PCDHA10: variants seen among roughly 807,000 people sequenced by gnomAD.
The protein encoded by PCDHA10 is protocadherin alpha 10.
Under a neutral mutation model 61.2 loss-of-function variants are expected in PCDHA10, and 45 were observed. The observed-to-expected ratio is 0.74, with a 90% CI of 0.58 to 0.94. The LOEUF is 0.94. Ranked by LOEUF, PCDHA10 falls within the 40% of genes least tolerant of loss-of-function variation. The pLI, the probability that PCDHA10 is intolerant of heterozygous loss-of-function variation, is 0.00. For missense variants in PCDHA10, 1,278 were observed against 1,236.2 expected (o/e 1.03, Z -0.51); for synonymous variants, 602 against 548.8 (o/e 1.10, Z -1.35).
intron 1 of PCDHA10, among the ~76,000 whole-genome samples, chr5:140,890,854 T>G (rs1320462436): frequency 6.6e-6 from 1 of 152,232 alleles, no homozygotes; most frequent in Non-Finnish European, 1.5e-5. Context: ...TTTCTCTTCC[T>G]TACTTCTTGC....
At chr5:141,001,953 G>C (rs55743067) in intron 3 of PCDHA10, among the ~76,000 whole-genome samples, 27 of 152,290 alleles carry the variant, frequency 1.8e-4, no homozygotes, top group Non-Finnish European at 3.5e-4. Context: ...AAGGAGGAGG[G>C]AGAGGCGGGG....
In PCDHA10 at chr5:140,943,486, T is replaced by C. The variant is rs573341102; in HGVS notation, c.2389-35463T>C. Among the ~76,000 whole-genome samples the C allele has an allele frequency of 2.6e-5, 4 of 152,178 alleles. No homozygotes were observed. The South Asian group carries it at 8.3e-4, about 32-fold the overall frequency. Reference sequence around the variant, plus strand: ...GTGGGAGATACAGTAAAATAATAAATAGATGCTATCAAGGTTCATGGAAAT... The same window carrying C: ...GTGGGAGATACAGTAAAATAATAAACAGATGCTATCAAGGTTCATGGAAAT... On this transcript the variant is annotated intron_variant, in intron 1 of 3. Coordinates refer to ENST00000307360, the MANE Select transcript of PCDHA10 (RefSeq NM_018901.4).
chr5:140,967,636 T>G, intron 1 of PCDHA10: 2 of 1,614,138 alleles, frequency 1.2e-6, no homozygotes, highest in Non-Finnish European at 1.7e-6. Context: ...GCTCCAATGG[T>G]GAGCTCAGGT....
At chr5:140,883,907 A>G (rs2059882679) in intron 1 of PCDHA10, 1 of 1,613,358 alleles carries the variant, frequency 6.2e-7, no homozygotes, top group African/African-American at 1.3e-5. Context: ...GCCTCTGGGC[A>G]GCAACGTGAC....
chr5:140,912,261 C>T (rs2075834049), intron 1 of PCDHA10, among the ~76,000 whole-genome samples: 2 of 152,116 alleles, frequency 1.3e-5, no homozygotes, highest in Non-Finnish European at 2.9e-5. Context: ...TTGATGACAC[C>T]CTCACAGATA....
At chr5:140,926,908 G>C (rs950305439) in intron 1 of PCDHA10, 2 of 1,560,316 alleles carry the variant, frequency 1.3e-6, no homozygotes, top group Admixed American at 1.8e-5. Flanking sequence ...GGGCTGTGGG[G>C]TGGCAGTTTT....
chr5:140,981,948 G>T (rs544785800), intron 2 of PCDHA10, among the ~76,000 whole-genome samples: 26 of 152,230 alleles, frequency 1.7e-4, no homozygotes, highest in African/African-American at 6.0e-4. Context: ...TATAGGGTGG[G>T]TCATCTATGC....
intron 1 of PCDHA10, chr5:140,863,358 G>A (rs1432906108): frequency 8.0e-7 from 1 of 1,243,310 alleles, no homozygotes; most frequent in Non-Finnish European, 1.1e-6. Context: ...CGACGCTGCG[G>A]TGCTTGGCGC....
At chr5:140,917,657 G>A (rs1382905790) in intron 1 of PCDHA10, among the ~76,000 whole-genome samples, 2 of 152,156 alleles carry the variant, frequency 1.3e-5, no homozygotes, top group Admixed American at 1.3e-4. Context: ...TATTGAGTAG[G>A]AAGTCCTTTC....
chr5:140,966,926 C>T (rs782811757), intron 1 of PCDHA10: 22 of 1,603,344 alleles, frequency 1.4e-5, no homozygotes, highest in Middle Eastern at 1.6e-4. Context: ...GGAGCAGGCA[C>T]CCGGCGCGCT....
intron 1 of PCDHA10, among the ~76,000 whole-genome samples, chr5:140,917,311 G>T (rs2078013594): frequency 6.7e-6 from 1 of 148,748 alleles, no homozygotes; most frequent in Non-Finnish European, 1.5e-5. Flanking sequence ...GTTACAATTT[G>T]GTGTTCATGT....
intron 1 of PCDHA10, among the ~76,000 whole-genome samples, chr5:140,914,272 A>G (rs1356508399): frequency 2.0e-5 from 3 of 152,212 alleles, no homozygotes; most frequent in Non-Finnish European, 4.4e-5. Context: ...GGGTGCATAT[A>G]TATTTATAAT....
At chr5:140,884,318 G>A (rs1345534362) in intron 1 of PCDHA10, 1 of 1,613,692 alleles carries the variant, frequency 6.2e-7, no homozygotes, top group Non-Finnish European at 8.5e-7. Flanking sequence ...GAGGGCGTCG[G>A]CAGGCGCTGT....
chr5:140,856,505 C>T lies in PCDHA10; in HGVS notation c.457C>T (p.Leu153=), dbSNP rs2150359235. Reference sequence around the variant, plus strand: ...CAGACTGCTTGACTCTCGATTTCCACTAGAAGGCGCATCTGATGCGGATGT... The same window carrying T: ...CAGACTGCTTGACTCTCGATTTCCATTAGAAGGCGCATCTGATGCGGATGT... The part of the protein sequence containing the change: ...ESRLLDSRFP[L]EGASDADVGE... Residue 153 remains leucine (L), a synonymous_variant, in exon 1 of 4, where the codon CTA becomes TTA. Transcript: ENST00000307360. The T allele has an allele frequency of 6.3e-7, 1 of 1,598,456 alleles. No homozygotes were observed. Among genetic ancestry groups the T allele is most frequent in the East Asian group, 2.2e-5 (1 of 44,866 alleles).
At chr5:140,967,845 A>G in intron 1 of PCDHA10, 3 of 1,614,160 alleles carry the variant, frequency 1.9e-6, no homozygotes, top group Non-Finnish European at 2.5e-6. Flanking sequence ...GACGTGAATG[A>G]CAATGCCCCA....
intron 1 of PCDHA10, among the ~76,000 whole-genome samples, chr5:140,937,353 T>C (rs2091494629): frequency 6.6e-6 from 1 of 152,146 alleles, no homozygotes; most frequent in Admixed American, 6.5e-5. Context: ...ATTTATTTTA[T>C]TATTTTATCT....
intron 1 of PCDHA10, among the ~76,000 whole-genome samples, chr5:140,919,522 C>CT (rs1554199133): frequency 6.6e-6 from 1 of 152,000 alleles, no homozygotes; most frequent in African/African-American, 2.4e-5. Context: ...TTTTAATTCT[C>CT]TTTTTTTCCT....
intron 1 of PCDHA10, among the ~76,000 whole-genome samples, chr5:140,976,011 CTAAA>C (rs2096695708): frequency 6.6e-6 from 1 of 152,110 alleles, no homozygotes; most frequent in African/African-American, 2.4e-5. Context: ...TATTAAAGAA[CTAAA>C]TAATCACAGT....
intron 1 of PCDHA10, among the ~76,000 whole-genome samples, chr5:140,975,280 T>C (rs914764307): frequency 6.6e-6 from 1 of 152,252 alleles, no homozygotes; most frequent in Non-Finnish European, 1.5e-5. Flanking sequence ...CTCTGACCTC[T>C]AGACCCAGAT....
Sources: gnomAD v4.1 joint callset for allele counts (sites outside exome capture counted in the v4.1 genomes callset) on GRCh38, gnomAD v4.1.1 for gene constraint, MANE v1.5 for transcripts, NCBI Gene and HGNC (gene_info 2026-07-23, HGNC 2026-07-21) for gene names.